SRPK2: variants seen among roughly 807,000 people sequenced by gnomAD.
SRPK2 encodes the protein SRSF protein kinase 2.
A neutral mutation model predicts 90.8 loss-of-function variants in SRPK2; 21 were observed. The ratio of observed to expected loss-of-function variants is 0.23; its 90% CI spans 0.16 to 0.33. The LOEUF is 0.33. Among genes scored for constraint, SRPK2 ranks in the 10% least tolerant of loss-of-function variants. The pLI, the probability that SRPK2 is intolerant of heterozygous loss-of-function variation, is 1.00. For synonymous variants in SRPK2, 288 were observed against 311.1 expected (o/e 0.93, Z 0.78); for missense variants, 620 against 869.0 (o/e 0.71, Z 3.60).
intron 13 of SRPK2, among the ~76,000 whole-genome samples, chr7:105,130,942 C>CT (rs1801914939): frequency 6.6e-6 from 1 of 152,150 alleles, no homozygotes; most frequent in African/African-American, 2.4e-5. Context: ...CCTTGGGAAT[C>CT]TGTTATTGAT....
chr7:105,137,376 C>T (rs913863463), intron 11 of SRPK2, among the ~76,000 whole-genome samples: 8 of 151,988 alleles, frequency 5.3e-5, no homozygotes, highest in African/African-American at 1.5e-4. Flanking sequence ...GTTGGTGAGG[C>T]GAGGGTGGGT....
At chr7:105,205,840 C>A in intron 2 of SRPK2, 1 of 487,728 alleles carries the variant, frequency 2.1e-6, no homozygotes, top group Non-Finnish European at 4.1e-6. Context: ...ATTTGTCTGA[C>A]ACATTTCCTC....
chr7:105,274,043 G>A (rs527373630), intron 2 of SRPK2, among the ~76,000 whole-genome samples: 1 of 152,280 alleles, frequency 6.6e-6, no homozygotes, highest in East Asian at 1.9e-4. Context: ...TTCTCCAGAA[G>A]ATTACTGTTG....
chr7:105,134,301 C>T (rs1034982406), intron 11 of SRPK2, among the ~76,000 whole-genome samples: 2 of 152,130 alleles, frequency 1.3e-5, no homozygotes, highest in African/African-American at 4.8e-5. Context: ...TGAGTGAGTT[C>T]TCACGAGATC....
At chr7:105,388,941 C>CGCT, upstream of SRPK2, 1 of 1,183,770 alleles carries the variant, frequency 8.4e-7, no homozygotes, top group East Asian at 3.8e-5. Flanking sequence ...CCGCCGCCGC[C>CGCT]GCTCCAGCAG....
At chr7:105,149,633 C>A (rs1453635178) in intron 7 of SRPK2, among the ~76,000 whole-genome samples, 1 of 152,144 alleles carries the variant, frequency 6.6e-6, no homozygotes, top group Non-Finnish European at 1.5e-5. Context: ...ACTAGAAATA[C>A]CCACAGGTGT....
chr7:105,268,807 T>G (rs764408864), intron 2 of SRPK2: 3 of 1,599,626 alleles, frequency 1.9e-6, no homozygotes, highest in Non-Finnish European at 2.6e-6. Flanking sequence ...TAGCTGTACC[T>G]TTCTGAAGAG....
chr7:105,189,887 C>G (rs1482337897), intron 3 of SRPK2: 2 of 152,400 alleles, frequency 1.3e-5, no homozygotes, highest in Non-Finnish European at 2.9e-5. Context: ...ACTCCAGGGA[C>G]CAGTGGGTGA....
chr7:105,152,699 C>CAAA (rs1398903866), intron 7 of SRPK2, among the ~76,000 whole-genome samples: 10 of 152,164 alleles, frequency 6.6e-5, no homozygotes, highest in African/African-American at 1.2e-4. Flanking sequence ...TCCTCTGTTG[C>CAAA]TTTTACTTGT....
chr7:105,373,695 G>T (rs369476615), intron 2 of SRPK2, among the ~76,000 whole-genome samples: 3 of 151,914 alleles, frequency 2.0e-5, no homozygotes, highest in Non-Finnish European at 2.9e-5. Flanking sequence ...GGGCCACCGC[G>T]CCTGGCTCAC....
At chr7:105,220,503 C>T (rs987763208) in intron 2 of SRPK2, among the ~76,000 whole-genome samples, 3 of 151,594 alleles carry the variant, frequency 2.0e-5, no homozygotes, top group Admixed American at 6.6e-5. Flanking sequence ...TCCAGCCTGG[C>T]GACAGAGCGA....
At chr7:105,115,485 C>T (rs150457276), downstream of SRPK2, 1 of 152,234 alleles carries the variant, frequency 6.6e-6, no homozygotes, top group Non-Finnish European at 1.5e-5. Flanking sequence ...TGTCATTTTC[C>T]ATGAAGATTT....
chr7:105,146,016 T>C (rs1435804044), intron 8 of SRPK2, among the ~76,000 whole-genome samples: 1 of 152,106 alleles, frequency 6.6e-6, no homozygotes, highest in Non-Finnish European at 1.5e-5. Flanking sequence ...AATAAAGATA[T>C]CCCAATACTC....
chr7:105,246,422 C>T (rs1801674003), intron 2 of SRPK2, among the ~76,000 whole-genome samples: 1 of 152,114 alleles, frequency 6.6e-6, no homozygotes, highest in African/African-American at 2.4e-5. Flanking sequence ...GAGATGTCGA[C>T]AGACATTTAG....
Position 105,234,678 on chromosome 7 carries a change from G to A in SRPK2, c.72-30893C>T, listed in dbSNP as rs191983866. Among the ~76,000 whole-genome samples the A allele has an allele frequency of 2.9e-3, 434 of 152,198 alleles. 3 individuals are homozygous for A. The highest frequency in any genetic ancestry group is 4.8e-3 in the Admixed American group (73 of 15,272). Reference sequence around the variant, plus strand: ...TCTTAAGCACTTAGCTATGTATTGCGTTGGAGAGGCAGCCTTAAAATAACT... The same window carrying A: ...TCTTAAGCACTTAGCTATGTATTGCATTGGAGAGGCAGCCTTAAAATAACT... On this transcript the variant is annotated intron_variant, in intron 2 of 15. Coordinates refer to ENST00000393651, the MANE Select transcript of SRPK2 (RefSeq NM_182692.3).
chr7:105,137,324 C>T (rs1802992588), intron 11 of SRPK2, among the ~76,000 whole-genome samples: 1 of 152,130 alleles, frequency 6.6e-6, no homozygotes, highest in African/African-American at 2.4e-5. Flanking sequence ...AAGGACAACT[C>T]AGGGCATCAC....
rs138226567 is a variant in SRPK2 at position 105,371,037 on chromosome 7, C to T, written c.71+17611G>A. Among the ~76,000 whole-genome samples, 22 of 152,200 alleles carry T rather than the reference C, an allele frequency of 1.4e-4. No individual in the cohort carries two copies. The East Asian group carries it at 4.0e-3, about 28-fold the overall frequency. On this transcript the variant is annotated intron_variant, in intron 2 of 15. Transcript: ENST00000393651. The stretch of plus-strand genomic sequence containing the variant: ...ATTTTGTAGGATTTATCTAGTGAGG[C>T]TAAGAATTCAACATAAAGTATTATA...
intron 7 of SRPK2, among the ~76,000 whole-genome samples, chr7:105,153,545 TAA>T (rs1310801385): frequency 1.3e-5 from 2 of 152,158 alleles, no homozygotes; most frequent in African/African-American, 4.8e-5. Context: ...GAGACTCCTC[TAA>T]AGACTGTCTC....
intron 2 of SRPK2, among the ~76,000 whole-genome samples, chr7:105,211,111 G>C (rs1389147519): frequency 6.6e-6 from 1 of 152,192 alleles, no homozygotes; most frequent in East Asian, 1.9e-4. Flanking sequence ...TTAATAAACA[G>C]GTGTTGTTTT....
Sources: gnomAD v4.1 joint callset for allele counts (sites outside exome capture counted in the v4.1 genomes callset) on GRCh38, gnomAD v4.1.1 for gene constraint, MANE v1.5 for transcripts, NCBI Gene and HGNC (gene_info 2026-07-23, HGNC 2026-07-21) for gene names.